PDE1C: variants seen among roughly 807,000 people sequenced by gnomAD.
PDE1C encodes dual specificity calcium/calmodulin-dependent 3',5'-cyclic nucleotide phosphodiesterase 1C.
Under a neutral mutation model 93.1 loss-of-function variants are expected in PDE1C, and 62 were observed. The ratio of observed to expected loss-of-function variants is 0.67; its 90% CI spans 0.54 to 0.82. The LOEUF (loss-of-function observed/expected upper bound fraction) is 0.82, where lower values mean the gene tolerates loss of function less well. Ranked by LOEUF, PDE1C falls within the 40% of genes least tolerant of loss-of-function variation. PDE1C has a pLI of 0.00. For synonymous variants in PDE1C, 325 were observed against 310.1 expected, an observed-to-expected ratio of 1.05 and a Z score of -0.50; for missense variants, 742 against 884.6, an observed-to-expected ratio of 0.84 and a Z score of 2.04.
At chr7:31,719,399 C>T in the PDE1C span, among the ~76,000 whole-genome samples, 1 of 152,206 alleles carries the variant, frequency 6.6e-6, no homozygotes, top group African/African-American at 2.4e-5. Context: ...CTGAGCAAGT[C>T]GACACCTGTT....
chr7:31,625,819 CTTTT>C, the PDE1C span, among the ~76,000 whole-genome samples: 2 of 149,790 alleles, frequency 1.3e-5, no homozygotes, highest in Admixed American at 6.6e-5. Context: ...CTTAGAATGT[CTTTT>C]TTTTTAAATT....
At chr7:31,846,418 G>A (rs1463802701) in intron 9 of PDE1C, among the ~76,000 whole-genome samples, 1 of 151,646 alleles carries the variant, frequency 6.6e-6, no homozygotes, top group African/African-American at 2.4e-5. Context: ...GGGAAAACTG[G>A]CTAGCCATAT....
chr7:31,887,519 A>G (rs1798099279), intron 2 of PDE1C, among the ~76,000 whole-genome samples: 1 of 152,208 alleles, frequency 6.6e-6, no homozygotes, highest in Admixed American at 6.5e-5. Flanking sequence ...ATACTTTTAT[A>G]TGCCTCACTA....
intron 2 of PDE1C, among the ~76,000 whole-genome samples, chr7:32,205,490 C>A (rs1322037506): frequency 6.6e-6 from 1 of 151,946 alleles, no homozygotes; most frequent in Non-Finnish European, 1.5e-5. Flanking sequence ...CCAATCAGCA[C>A]TCTGTAAAAT....
chr7:31,624,387 G>GT, the PDE1C span, among the ~76,000 whole-genome samples: 1 of 145,570 alleles, frequency 6.9e-6, no homozygotes, highest in Non-Finnish European at 1.5e-5. Flanking sequence ...CAAGGCTACA[G>GT]TAACCAAAAC....
chr7:31,755,057 G>A lies in PDE1C; in HGVS notation c.1961-1504C>T, dbSNP rs563943871. On this transcript the variant is annotated intron_variant, in intron 17 of 17. Transcript: ENST00000396191. ...AACAGAATCTGCAAGACTAAAGGCCGAAGAAGCTGTACACAAGCACTCTAT... is the reference window on the plus strand; with the variant it reads ...AACAGAATCTGCAAGACTAAAGGCCAAAGAAGCTGTACACAAGCACTCTAT... Among the ~76,000 whole-genome samples the A allele has an allele frequency of 2.8e-4, 42 of 152,254 alleles. No homozygotes were observed. In the South Asian group the frequency reaches 4.6e-3, roughly 17 times the overall value.
At chr7:31,988,687 C>T (rs1783731098) in intron 2 of PDE1C, among the ~76,000 whole-genome samples, 1 of 152,100 alleles carries the variant, frequency 6.6e-6, no homozygotes, top group Non-Finnish European at 1.5e-5. Flanking sequence ...GAGTGAGACC[C>T]TGTCTCTTAT....
At chr7:31,998,976 T>C (rs1785115296) in intron 2 of PDE1C, among the ~76,000 whole-genome samples, 1 of 152,220 alleles carries the variant, frequency 6.6e-6, no homozygotes, top group Non-Finnish European at 1.5e-5. Context: ...CTCAGATCAT[T>C]TGCAAGTACT....
chr7:31,964,244 G>C (rs945584610), intron 2 of PDE1C, among the ~76,000 whole-genome samples: 1 of 152,164 alleles, frequency 6.6e-6, no homozygotes, highest in Non-Finnish European at 1.5e-5. Context: ...TGGAAAATGG[G>C]GTCACTCCCA....
intron 1 of PDE1C, among the ~76,000 whole-genome samples, chr7:32,243,499 A>G (rs1489860015): frequency 2.0e-5 from 3 of 152,208 alleles, no homozygotes; most frequent in Non-Finnish European, 4.4e-5. Context: ...GGATCTAGGT[A>G]GACTTAAAAT....
At chr7:32,190,724 G>A (rs1804179819) in intron 2 of PDE1C, among the ~76,000 whole-genome samples, 1 of 152,146 alleles carries the variant, frequency 6.6e-6, no homozygotes, top group South Asian at 2.1e-4. Flanking sequence ...CTGCTTTCAA[G>A]GAACTCAGAA....
the PDE1C span, among the ~76,000 whole-genome samples, chr7:31,716,500 CT>C: frequency 2.4e-3 from 364 of 152,232 alleles, 1 homozygote; most frequent in African/African-American, 8.2e-3. Flanking sequence ...CATATATTAA[CT>C]GTAATTACAT....
At chr7:32,356,825 T>G (rs1354609152) in intron 1 of PDE1C, among the ~76,000 whole-genome samples, 1 of 152,234 alleles carries the variant, frequency 6.6e-6, no homozygotes, top group Non-Finnish European at 1.5e-5. Flanking sequence ...AAATGAACTA[T>G]GAATAAGTGT....
At chr7:32,375,881 G>A (rs932600160) in intron 1 of PDE1C, among the ~76,000 whole-genome samples, 3 of 152,320 alleles carry the variant, frequency 2.0e-5, no homozygotes, top group Admixed American at 2.0e-4. Flanking sequence ...ACCAGGCCTG[G>A]TGCAGTGGCT....
chr7:31,790,340 A>G, intron 16 of PDE1C: 3 of 1,259,228 alleles, frequency 2.4e-6, no homozygotes, highest in Non-Finnish European at 3.4e-6. Flanking sequence ...TCTGAGGAGA[A>G]GGAAATCTAG....
At chr7:31,820,818 C>T (rs939399862) in intron 14 of PDE1C, 1 of 152,096 alleles carries the variant, frequency 6.6e-6, no homozygotes, top group African/African-American at 2.4e-5. Context: ...CGTATTCAAA[C>T]CTTTAACCTT....
chr7:32,298,761 C>T (rs768911309), exon 1 of PDE1C: 50 of 1,569,326 alleles, frequency 3.2e-5, no homozygotes, highest in Non-Finnish European at 4.1e-5. Context: ...GCAGGGGCCT[C>T]GCAGCGAGAC....
chr7:32,161,624 G>C (rs931263275), intron 3 of PDE1C, among the ~76,000 whole-genome samples: 2 of 150,230 alleles, frequency 1.3e-5, no homozygotes, highest in Non-Finnish European at 3.0e-5. Context: ...AGTTTAGAGA[G>C]AACTTCAGGG....
intron 1 of PDE1C, among the ~76,000 whole-genome samples, chr7:32,321,102 A>G (rs71530586): frequency 0.029 from 4,385 of 152,322 alleles, 92 homozygotes; most frequent in Middle Eastern, 0.065. Context: ...CATCAGCTGA[A>G]GAACAATCGC....
Sources: gnomAD v4.1 joint callset for allele counts (sites outside exome capture counted in the v4.1 genomes callset) on GRCh38, gnomAD v4.1.1 for gene constraint, MANE v1.5 for transcripts, NCBI Gene and HGNC (gene_info 2026-07-23, HGNC 2026-07-21) for gene names.